The following MORN2 variants were observed in gnomAD, a reference collection of about 807,000 sequenced individuals.
MORN2 encodes MORN repeat containing 2, also known as MORN repeat-containing protein 2.
In MORN2, 15 loss-of-function variants were observed where a neutral mutation model predicts 13.4. The observed-to-expected ratio is 1.12, with a 90% CI of 0.75 to 1.72. MORN2 has a LOEUF of 1.72. MORN2 is among the 40% of genes most tolerant of loss of function. The pLI, the probability that MORN2 is intolerant of heterozygous loss-of-function variation, is 0.00. For synonymous variants in MORN2, 46 were observed against 43.6 expected, an observed-to-expected ratio of 1.06 and a Z score of -0.22; for missense variants, 168 against 134.6, an observed-to-expected ratio of 1.25 and a Z score of -1.23.
At position 38,882,560 on chromosome 2, in the gene MORN2, A is replaced by C; in HGVS notation, c.*45A>C. The C allele has an allele frequency of 7.1e-7, 1 of 1,402,542 alleles. No individual in the cohort carries two copies. The highest frequency in any genetic ancestry group is 1.3e-5 in the South Asian group (1 of 79,942). 86.9% of individuals were successfully genotyped at this position (1,402,542 alleles called of 1,614,324 possible). On this transcript the variant is annotated 3_prime_UTR_variant, in exon 5 of 5. Coordinates refer to ENST00000644631, the MANE Select transcript of MORN2 (RefSeq NM_001145450.3). ...TTGAAATGTAGTAATTGAAGCTTTT[A>C]GTTGTAAGGAAAGCAACTTAATCTG...
chr2:38,881,669 GA>G, intron 4 of MORN2, 91 bp downstream of exon 4: 1 of 1,044,294 alleles, frequency 9.6e-7, no homozygotes, highest in Non-Finnish European at 1.3e-6. Flanking sequence ...TTTATTTATT[GA>G]GACAGAGTCT....
chr2:38,881,252 C>T (rs1416585039), intron 3 of MORN2, among the ~76,000 whole-genome samples, 190 bp from the exon 4 acceptor site: 5 of 152,124 alleles, frequency 3.3e-5, no homozygotes, highest in African/African-American at 1.2e-4. Context: ...ATTTAATTTA[C>T]TGGGCTTCAC....
Position 38,882,407 on chromosome 2 carries a change from T to C in MORN2, c.354-6T>C, listed in dbSNP as rs1487613920. The C allele has an allele frequency of 1.0e-5, 16 of 1,532,416 alleles. No individual in the cohort carries two copies. Among genetic ancestry groups the C allele is most frequent in the East Asian group, 2.5e-5 (1 of 40,698 alleles). 94.9% of individuals were successfully genotyped at this position (1,532,416 alleles called of 1,614,324 possible). On this transcript the variant is annotated splice_region_variant and splice_polypyrimidine_tract_variant and intron_variant, in intron 4 of 4. Coordinates refer to ENST00000644631, the MANE Select transcript of MORN2 (RefSeq NM_001145450.3). ...TTAATGGAAAACTTATTTTCTACTA[T>C]TGCAGGGTGGAAGGTGAAGGGGAAT...
At chr2:38,878,218 A>G (rs1455762872) in intron 1 of MORN2, among the ~76,000 whole-genome samples, 1 of 152,062 alleles carries the variant, frequency 6.6e-6, no homozygotes, top group Non-Finnish European at 1.5e-5. Flanking sequence ...TTTAGAATCC[A>G]CTGTTGCTAA....
chr2:38,876,203 C>G, intron 1 of MORN2, 93 bp downstream of exon 1: 1 of 398,386 alleles, frequency 2.5e-6, no homozygotes, highest in East Asian at 3.6e-5. Context: ...CCCGGTAACT[C>G]CTGTGGGGGT....
At chr2:38,878,703 T>G (rs1665708905) in intron 1 of MORN2, among the ~76,000 whole-genome samples, 1 of 152,182 alleles carries the variant, frequency 6.6e-6, no homozygotes, top group Admixed American at 6.5e-5. Context: ...GGATTGCTAA[T>G]TGTTTTTTGT....
chr2:38,877,755 A>ACAG (rs1665685797), intron 1 of MORN2, among the ~76,000 whole-genome samples: 1 of 147,506 alleles, frequency 6.8e-6, no homozygotes, highest in African/African-American at 2.5e-5. Flanking sequence ...CGTTGGGATT[A>ACAG]CAGGCATGAG....
rs1665755124 is a variant in MORN2 at position 38,880,703 on chromosome 2, C to T, written c.213C>T (p.Asp71=). ...TCTACACAGGAAGCTGGAAAGATGA[C>T]AAGGTATTATTGTTGTTTTTAATAT... is the stretch of plus-strand genomic sequence containing the variant. The change falls in exon 3 of 5, where the codon GAC becomes GAT. Residue 71 remains aspartate (D), a synonymous_variant. Coordinates refer to ENST00000644631, the MANE Select transcript of MORN2 (RefSeq NM_001145450.3). 1 of 1,549,900 alleles carries T rather than the reference C, an allele frequency of 6.5e-7. No homozygotes were observed. The highest frequency in any genetic ancestry group is 1.2e-5 in the South Asian group (1 of 83,936).
At chr2:38,882,227 T>G (rs993758421) in intron 4 of MORN2, among the ~76,000 whole-genome samples, 186 bp from the exon 5 acceptor site, 70 of 151,262 alleles carry the variant, frequency 4.6e-4, no homozygotes, top group African/African-American at 1.5e-3. Flanking sequence ...GTGGTTTTTT[T>G]TTTTTTTTTT....
chr2:38,881,612 C>G, intron 4 of MORN2, 34 bp downstream of exon 4: 3 of 1,412,690 alleles, frequency 2.1e-6, no homozygotes, highest in Non-Finnish European at 2.8e-6. Flanking sequence ...CACTGCATTT[C>G]TAAAAGATTA....
At chr2:38,881,331 A>T in intron 3 of MORN2, 111 bp from the exon 4 acceptor site, 1 of 904,870 alleles carries the variant, frequency 1.1e-6, no homozygotes, top group Non-Finnish European at 1.6e-6. Flanking sequence ...GGACAATACA[A>T]AGTTGGTTAA....
At chr2:38,876,345 C>G in intron 1 of MORN2, 1 of 387,112 alleles carries the variant, frequency 2.6e-6, no homozygotes, top group Non-Finnish European at 4.6e-6. Flanking sequence ...GCCTCAGTTT[C>G]CGCTATGGTG....
intron 1 of MORN2, among the ~76,000 whole-genome samples, chr2:38,877,483 A>T (rs1455999514): frequency 6.6e-6 from 1 of 152,076 alleles, no homozygotes. Flanking sequence ...AAAAATAAGC[A>T]AACATAACTA....
Position 38,881,491 on chromosome 2 carries a change from G to A in MORN2, c.266G>A (p.Gly89Glu). The change falls in exon 4 of 5, where the codon GGA becomes GAA. Residue 89 changes from glycine (G) to glutamate (E), a missense_variant. Physicochemically the swap from Gly to Glu is moderately conservative, Grantham distance 98. Coordinates refer to ENST00000644631, the MANE Select transcript of MORN2 (RefSeq NM_001145450.3). ...CATTTTTCAGGAGCAGTATATGAAG[G>A]ACAATTTAAGGATAATATGTTTCAT... 1 of 1,545,402 alleles carries A rather than the reference G, an allele frequency of 6.5e-7. No homozygotes were observed. The highest frequency in any genetic ancestry group is 8.7e-7 in the Non-Finnish European group (1 of 1,144,730).
chr2:38,880,559 C>T, intron 2 of MORN2, 41 bp from the exon 3 acceptor site: 1 of 1,356,636 alleles, frequency 7.4e-7, no homozygotes, highest in African/African-American at 1.5e-5. Flanking sequence ...CCAGACATAA[C>T]TATTCTCATT....
At chr2:38,880,456 A>T (rs1287860037) in intron 2 of MORN2, 144 bp from the exon 3 acceptor site, 4 of 428,944 alleles carry the variant, frequency 9.3e-6, no homozygotes, top group South Asian at 9.0e-5. Context: ...TTGTTACAAG[A>T]TGTTCTGTGT....
intron 1 of MORN2, among the ~76,000 whole-genome samples, chr2:38,876,654 AACCT>A (rs1407896309): frequency 4.6e-5 from 7 of 152,158 alleles, no homozygotes; most frequent in Non-Finnish European, 8.8e-5. Flanking sequence ...GTTTTAATAG[AACCT>A]TAAGTACTAC....
intron 4 of MORN2, among the ~76,000 whole-genome samples, chr2:38,881,967 T>C (rs1475544551): frequency 6.6e-6 from 1 of 152,260 alleles, no homozygotes; most frequent in African/African-American, 2.4e-5. Flanking sequence ...ATACTATATT[T>C]AGTTAATTCT....
chr2:38,880,132 G>C (rs1288459578), intron 1 of MORN2, 47 bp from the exon 2 acceptor site: 2 of 396,160 alleles, frequency 5.0e-6, no homozygotes, highest in East Asian at 7.1e-5. Flanking sequence ...TGCCTCTATC[G>C]AAAAAAAAGT....
Sources: allele counts gnomAD v4.1 joint callset (sites outside exome capture counted in the v4.1 genomes callset), GRCh38; gene constraint gnomAD v4.1.1; transcripts MANE v1.5; gene names NCBI Gene and HGNC (gene_info 2026-07-23, HGNC 2026-07-21).